The following RABGAP1L variants were observed in gnomAD, a reference collection of about 807,000 sequenced individuals.
The protein encoded by RABGAP1L is RAB GTPase activating protein 1 like, also known as rab GTPase-activating protein 1-like.
Under a neutral mutation model 137.7 loss-of-function variants are expected in RABGAP1L, and 63 were observed. The ratio of observed to expected loss-of-function variants is 0.46; its 90% CI spans 0.37 to 0.56. The LOEUF (loss-of-function observed/expected upper bound fraction) is 0.56, where lower values mean the gene tolerates loss of function less well. Ranked by LOEUF, RABGAP1L falls within the 20% of genes least tolerant of loss-of-function variation. The probability of loss-of-function intolerance (pLI) is 0.00; values close to 1 mark genes in which losing one functional copy is unlikely to be tolerated. For missense variants in RABGAP1L, 1,095 were observed against 1,244.0 expected, an observed-to-expected ratio of 0.88 and a Z score of 1.80; for synonymous variants, 431 against 433.7, an observed-to-expected ratio of 0.99 and a Z score of 0.08.
chr1:174,940,403 G>A (rs1005618198), intron 19 of RABGAP1L, among the ~76,000 whole-genome samples: 38 of 151,652 alleles, frequency 2.5e-4, no homozygotes, highest in African/African-American at 8.7e-4. Context: ...GGAGTAGCTG[G>A]GACTACAGGC....
At chr1:174,444,692 T>G (rs1267834895) in intron 13 of RABGAP1L, among the ~76,000 whole-genome samples, 2 of 152,142 alleles carry the variant, frequency 1.3e-5, no homozygotes, top group Non-Finnish European at 2.9e-5. Context: ...GTCCAGGAAT[T>G]TAGCCATTTT....
At chr1:174,584,054 A>G (rs1177970843) in intron 13 of RABGAP1L, among the ~76,000 whole-genome samples, 1 of 152,122 alleles carries the variant, frequency 6.6e-6, no homozygotes, top group Non-Finnish European at 1.5e-5. Context: ...GGTCAGCCTC[A>G]GTGCTTGTCC....
chr1:174,292,235 T>C (rs897384545), intron 10 of RABGAP1L, among the ~76,000 whole-genome samples: 1 of 150,434 alleles, frequency 6.6e-6, no homozygotes, highest in African/African-American at 2.4e-5. Context: ...GTTGCTATGT[T>C]GCTCAGGCTG....
At position 174,527,607 on chromosome 1, in the gene RABGAP1L, C is replaced by A. The variant is rs547980080; in HGVS notation, c.1711-109768C>A. Among the ~76,000 whole-genome samples the A allele has an allele frequency of 2.0e-3, 308 of 152,250 alleles. 4 individuals carry two copies. Among genetic ancestry groups the A allele is most frequent in the Admixed American group, 4.2e-3 (64 of 15,288 alleles). On this transcript the variant is annotated intron_variant, in intron 13 of 25. Coordinates refer to ENST00000681986, the MANE Select transcript of RABGAP1L (RefSeq NM_001366446.1). ...TGTGCTGATGAAAATAATGTCTATTCTGCAATTTTTGGATAACAATCTCTG... is the reference window on the plus strand; with the variant it reads ...TGTGCTGATGAAAATAATGTCTATTATGCAATTTTTGGATAACAATCTCTG...
At chr1:174,568,320 C>T (rs148327828) in intron 13 of RABGAP1L, among the ~76,000 whole-genome samples, 5 of 152,294 alleles carry the variant, frequency 3.3e-5, no homozygotes, top group African/African-American at 1.2e-4. Context: ...CCCACCCCAA[C>T]ACTGGAGATT....
At chr1:174,645,678 T>C (rs1674911880) in intron 14 of RABGAP1L, among the ~76,000 whole-genome samples, 1 of 152,180 alleles carries the variant, frequency 6.6e-6, no homozygotes, top group South Asian at 2.1e-4. Flanking sequence ...GCAATAAACA[T>C]ATGTATGCAT....
At chr1:174,216,189 A>T (rs901017078) in intron 1 of RABGAP1L, among the ~76,000 whole-genome samples, 1 of 152,192 alleles carries the variant, frequency 6.6e-6, no homozygotes, top group African/African-American at 2.4e-5. Context: ...GGGGATGGTT[A>T]ATAGGTATGA....
intron 19 of RABGAP1L, among the ~76,000 whole-genome samples, chr1:174,879,199 C>G (rs1048189469): frequency 6.6e-6 from 1 of 151,518 alleles, no homozygotes; most frequent in African/African-American, 2.4e-5. Context: ...CTCCCATGTT[C>G]AAGTGATTCT....
At chr1:174,334,109 G>C (rs1039546797) in intron 11 of RABGAP1L, among the ~76,000 whole-genome samples, 1 of 152,322 alleles carries the variant, frequency 6.6e-6, no homozygotes, top group East Asian at 1.9e-4. Flanking sequence ...ATGCAGACAT[G>C]TTTCCAGAAT....
chr1:174,892,442 C>A, intron 19 of RABGAP1L: 4 of 431,290 alleles, frequency 9.3e-6, no homozygotes, highest in South Asian at 5.2e-5. Flanking sequence ...CGAAATTGTT[C>A]ATCAGCGTTA....
chr1:174,989,388 C>T (rs1671884402), intron 25 of RABGAP1L, among the ~76,000 whole-genome samples: 1 of 152,190 alleles, frequency 6.6e-6, no homozygotes, highest in Admixed American at 6.5e-5. Flanking sequence ...ACCATGGCTG[C>T]CATGTCACCA....
Position 174,641,465 on chromosome 1 carries a change from C to T in RABGAP1L, c.1824+3977C>T, listed in dbSNP as rs1482152544. On this transcript the variant is annotated intron_variant, in intron 14 of 25. Transcript: ENST00000681986. ...AGGTTTCTGCAGATGAAGAGGTTTG[C>T]AAATTAATAGATTTCTGCAAATGAA... Among the ~76,000 whole-genome samples the T allele has an allele frequency of 2.6e-5, 4 of 152,172 alleles. No homozygotes were observed. The East Asian group carries it at 5.8e-4, about 22-fold the overall frequency.
rs536520571 is a variant in RABGAP1L at position 174,925,882 on chromosome 1, T to G, written c.2341-31575T>G. Among the ~76,000 whole-genome samples the G allele has an allele frequency of 1.6e-3, 232 of 143,174 alleles. 4 individuals carry two copies. The highest frequency in any genetic ancestry group is 4.8e-3 in the South Asian group (21 of 4,360). 93.9% of individuals were successfully genotyped at this position (143,174 alleles called of 152,430 possible). A position where few individuals can be genotyped will look rare whatever the true frequency, so the allele number is the denominator to read the frequency against. On this transcript the variant is annotated intron_variant, in intron 19 of 25. Coordinates refer to ENST00000681986, the MANE Select transcript of RABGAP1L (RefSeq NM_001366446.1). ...TGGTTTTTTTTTTGTTTTTGTTTTTTTTTTGTGTTTTTTTTTTTTTTTTTG... is the reference window on the plus strand; with the variant it reads ...TGGTTTTTTTTTTGTTTTTGTTTTTGTTTTGTGTTTTTTTTTTTTTTTTTG...
intron 13 of RABGAP1L, among the ~76,000 whole-genome samples, chr1:174,601,424 C>T (rs1323336571): frequency 6.6e-6 from 1 of 152,102 alleles, no homozygotes; most frequent in African/African-American, 2.4e-5. Flanking sequence ...CATGTTCTCA[C>T]TCATAGGTGG....
chr1:174,555,241 A>G (rs1393151808), intron 13 of RABGAP1L, among the ~76,000 whole-genome samples: 1 of 152,200 alleles, frequency 6.6e-6, no homozygotes, highest in Non-Finnish European at 1.5e-5. Context: ...GGTACAAATT[A>G]TCTTTCATAC....
intron 18 of RABGAP1L, among the ~76,000 whole-genome samples, chr1:174,787,775 A>T (rs753666334): frequency 6.6e-6 from 1 of 152,194 alleles, no homozygotes; most frequent in Non-Finnish European, 1.5e-5. Context: ...TATGGAGAAT[A>T]GTTAGGATAC....
At chr1:174,783,910 A>G (rs1390547769) in intron 18 of RABGAP1L, among the ~76,000 whole-genome samples, 1 of 148,778 alleles carries the variant, frequency 6.7e-6, no homozygotes, top group Admixed American at 6.7e-5. Context: ...GGGTTTCACC[A>G]TATTGGCCAG....
chr1:174,546,621 T>A (rs1032104275), intron 13 of RABGAP1L, among the ~76,000 whole-genome samples: 1 of 152,238 alleles, frequency 6.6e-6, no homozygotes, highest in African/African-American at 2.4e-5. Flanking sequence ...TAAAGATGCC[T>A]CTTTCAGTCC....
At chr1:174,832,143 A>G (rs957747614) in intron 19 of RABGAP1L, among the ~76,000 whole-genome samples, 2 of 146,770 alleles carry the variant, frequency 1.4e-5, no homozygotes, top group Non-Finnish European at 3.0e-5. Flanking sequence ...AAATGCAAAA[A>G]TTAGCCAGGT....
Sources: allele counts gnomAD v4.1 joint callset (sites outside exome capture counted in the v4.1 genomes callset), GRCh38; gene constraint gnomAD v4.1.1; transcripts MANE v1.5; gene names NCBI Gene and HGNC (gene_info 2026-07-23, HGNC 2026-07-21).